The following ATP11A variants were observed in gnomAD, a reference collection of about 807,000 sequenced individuals.
The protein encoded by ATP11A is ATPase phospholipid transporting 11A.
In ATP11A, 81 loss-of-function variants were observed where a neutral mutation model predicts 154.4. The observed-to-expected ratio is 0.52, with a 90% CI of 0.44 to 0.63. The LOEUF (loss-of-function observed/expected upper bound fraction) is 0.63. ATP11A is among the 30% of genes least tolerant of loss of function. The pLI, the probability that ATP11A is intolerant of heterozygous loss-of-function variation, is 0.00. For synonymous variants in ATP11A, 623 were observed against 585.9 expected, an observed-to-expected ratio of 1.06 and a Z score of -0.91; for missense variants, 1,316 against 1,474.3, an observed-to-expected ratio of 0.89 and a Z score of 1.76.
At chr13:112,773,168 C>G (rs561572975) in intron 1 of ATP11A, among the ~76,000 whole-genome samples, 14 of 152,058 alleles carry the variant, frequency 9.2e-5, no homozygotes, top group Non-Finnish European at 2.1e-4. Context: ...GGCTGTTTCT[C>G]ATCGCCTCTG....
intron 1 of ATP11A, among the ~76,000 whole-genome samples, chr13:112,756,291 A>T (rs1431122099): frequency 2.6e-5 from 4 of 152,170 alleles, no homozygotes; most frequent in Admixed American, 6.5e-5. Flanking sequence ...CCAAATAACT[A>T]AGGGTCATGT....
chr13:112,736,926 G>C (rs902125200), intron 1 of ATP11A, among the ~76,000 whole-genome samples: 2 of 152,172 alleles, frequency 1.3e-5, no homozygotes, highest in African/African-American at 2.4e-5. Context: ...GCGTTGGAAG[G>C]CTGTGGAGCT....
intron 9 of ATP11A, 152 bp from the exon 10 acceptor site, chr13:112,824,192 C>T (rs2078873296): frequency 4.8e-6 from 3 of 623,612 alleles, no homozygotes; most frequent in Non-Finnish European, 8.6e-6. Context: ...GAATCAAGTG[C>T]TAGTGTTATG....
chr13:112,862,431 C>T lies in ATP11A; in HGVS notation c.2856-9C>T, dbSNP rs765715741. On this transcript the variant is annotated splice_polypyrimidine_tract_variant and intron_variant, in intron 24 of 29. Transcript: ENST00000375645. ...GAGGACACACGCTGTGCACCTTTCTCCTCACCAGGGACGTCGCCAAGAATG... is the reference window on the plus strand; with the variant it reads ...GAGGACACACGCTGTGCACCTTTCTTCTCACCAGGGACGTCGCCAAGAATG... 11 of 1,613,160 alleles carry T rather than the reference C, an allele frequency of 6.8e-6. No homozygotes were observed. The highest frequency in any genetic ancestry group is 9.3e-6 in the Non-Finnish European group (11 of 1,179,940).
At chr13:112,782,911 A>G (rs1376917244) in intron 1 of ATP11A, among the ~76,000 whole-genome samples, 1 of 152,232 alleles carries the variant, frequency 6.6e-6, no homozygotes, top group Non-Finnish European at 1.5e-5. Context: ...GTCTGTCCCC[A>G]GGAGCATGGA....
chr13:112,776,013 G>A (rs1304059817), intron 1 of ATP11A, among the ~76,000 whole-genome samples: 6 of 152,162 alleles, frequency 3.9e-5, no homozygotes, highest in South Asian at 2.1e-4. Flanking sequence ...CCTCTTCCCC[G>A]GACCCCTTCC....
intron 16 of ATP11A, among the ~76,000 whole-genome samples, chr13:112,840,203 G>T (rs865825445): frequency 7.5e-5 from 1 of 13,268 alleles, no homozygotes. Flanking sequence ...CTCCCGTGCC[G>T]TCCAGCCTCA....
chr13:112,692,768 T>C (rs1885349016), intron 1 of ATP11A, among the ~76,000 whole-genome samples: 1 of 152,248 alleles, frequency 6.6e-6, no homozygotes, highest in Non-Finnish European at 1.5e-5. Flanking sequence ...TTTAAGTTCA[T>C]GTCTATGGTA....
rs568943941 is a variant in ATP11A at position 112,712,495 on chromosome 13, C to A, written c.39+22040C>A. ...TAGTGAGGGTCTGGGGGTGGGGGAT[C>A]GTGAGGTGAGGGACAGCAACCCCGT... On this transcript the variant is annotated intron_variant, in intron 1 of 29. Coordinates refer to ENST00000375645, the MANE Select transcript of ATP11A (RefSeq NM_015205.3). Among the ~76,000 whole-genome samples the A allele has an allele frequency of 2.0e-5, 3 of 152,226 alleles. No individual in the cohort carries two copies. In the South Asian group the frequency reaches 6.2e-4, roughly 32 times the overall value.
Position 112,875,994 on chromosome 13 carries a change from A to G in ATP11A, c.3327+53A>G. On this transcript the variant is annotated intron_variant, in intron 28 of 29. Coordinates refer to ENST00000375645, the MANE Select transcript of ATP11A (RefSeq NM_015205.3). This position sits in a 1 kb window ranked among gnomAD's most constrained non-coding sequence, Gnocchi z 4.1. ...GGTGCCTCAGGGCCCTGGCCTTAGG[A>G]TTGGGAGATGACCGTTTTGAAAGAC... 1.9e-6 allele frequency: 3 copies of G among 1,566,300 alleles called. No individual in the cohort carries two copies. In the South Asian group the frequency reaches 3.4e-5, roughly 18 times the overall value.
chr13:112,700,972 AC>A (rs750622635), intron 1 of ATP11A, among the ~76,000 whole-genome samples: 10 of 152,120 alleles, frequency 6.6e-5, no homozygotes, highest in Non-Finnish European at 1.3e-4. Flanking sequence ...TGAGACTTCC[AC>A]GTTAGCGCTG....
chr13:112,799,710 T>C (rs1469862463), intron 2 of ATP11A, among the ~76,000 whole-genome samples: 1 of 152,214 alleles, frequency 6.6e-6, no homozygotes, highest in Non-Finnish European at 1.5e-5. Flanking sequence ...ATTTATAAAA[T>C]ACTTCATTCA....
chr13:112,704,268 G>A (rs1886901907), intron 1 of ATP11A, among the ~76,000 whole-genome samples: 1 of 152,210 alleles, frequency 6.6e-6, no homozygotes, highest in South Asian at 2.1e-4. Context: ...TGGCCCAGTT[G>A]TTGTACGCAC....
At chr13:112,724,317 CT>C (rs1889575191) in intron 1 of ATP11A, among the ~76,000 whole-genome samples, 1 of 151,892 alleles carries the variant, frequency 6.6e-6, no homozygotes. Context: ...ACCACCTACA[CT>C]TCTGAGCACC....
chr13:112,780,394 C>T (rs904576516), intron 1 of ATP11A, among the ~76,000 whole-genome samples: 4 of 151,904 alleles, frequency 2.6e-5, no homozygotes, highest in Admixed American at 6.6e-5. Context: ...CCCGTCTCTG[C>T]GTTCGCCTTT....
At chr13:112,708,022 C>T (rs985821300) in intron 1 of ATP11A, among the ~76,000 whole-genome samples, 5 of 152,228 alleles carry the variant, frequency 3.3e-5, no homozygotes, top group Admixed American at 1.3e-4. Flanking sequence ...CAATTCTTCT[C>T]CATGACAAAG....
chr13:112,803,868 TGCTTC>T (rs1566504218), intron 2 of ATP11A, among the ~76,000 whole-genome samples: 127 of 100,662 alleles, frequency 1.3e-3, no homozygotes, highest in Non-Finnish European at 1.8e-3. Context: ...TTTTCCTCCT[TGCTTC>T]CCTTCCTTCC....
At chr13:112,869,174 G>C (rs945915713) in intron 25 of ATP11A, among the ~76,000 whole-genome samples, 1 of 152,216 alleles carries the variant, frequency 6.6e-6, no homozygotes, top group Non-Finnish European at 1.5e-5. Flanking sequence ...CCAGAGATGC[G>C]TTTCAGGATA....
At chr13:112,761,000 C>A (rs771186104) in intron 1 of ATP11A, among the ~76,000 whole-genome samples, 1 of 152,168 alleles carries the variant, frequency 6.6e-6, no homozygotes, top group Non-Finnish European at 1.5e-5. Context: ...AAACAATTCC[C>A]AAGTTTTAAC....
Sources: allele counts gnomAD v4.1 joint callset (sites outside exome capture counted in the v4.1 genomes callset), GRCh38; gene constraint gnomAD v4.1.1; non-coding constraint Gnocchi (gnomAD v3.1); transcripts MANE v1.5; gene names NCBI Gene and HGNC (gene_info 2026-07-23, HGNC 2026-07-21).